The following TCF20 variants were observed in gnomAD, a reference collection of about 807,000 sequenced individuals.
TCF20 encodes transcription factor 20.
Under a neutral mutation model 148.6 loss-of-function variants are expected in TCF20, and 3 were observed. The observed-to-expected ratio is 0.02, with a 90% CI of 0.01 to 0.05. The LOEUF is 0.05. Among genes scored for constraint, TCF20 ranks in the 10% least tolerant of loss-of-function variants. The probability of loss-of-function intolerance (pLI) is 1.00; values close to 1 mark genes in which losing one functional copy is unlikely to be tolerated. For synonymous variants in TCF20, 1,049 were observed against 909.5 expected (o/e 1.15, Z -2.76); for missense variants, 2,350 against 2,429.3 (o/e 0.97, Z 0.69).
At chr22:42,222,494 C>A (rs865858544) in intron 1 of TCF20, among the ~76,000 whole-genome samples, 2 of 152,140 alleles carry the variant, frequency 1.3e-5, no homozygotes, top group African/African-American at 4.8e-5. Context: ...TCACACCCCC[C>A]CATAGGCCCT....
chr22:42,341,486 G>T (rs1230797729), intron 1 of TCF20, among the ~76,000 whole-genome samples: 1 of 152,052 alleles, frequency 6.6e-6, no homozygotes, highest in African/African-American at 2.4e-5. Flanking sequence ...GGTGGGTAAG[G>T]ACCTGGGCCC....
intron 1 of TCF20, among the ~76,000 whole-genome samples, chr22:42,243,471 G>A (rs993325694): frequency 6.6e-6 from 1 of 151,744 alleles, no homozygotes; most frequent in Non-Finnish European, 1.5e-5. Context: ...GCATGGTGGT[G>A]GGTGCCTGTA....
rs9611772 is a variant in TCF20 at position 42,339,270 on chromosome 22, C to T, written c.-37+4209G>A. ...GTTTACATCTCACTGCAGCTCCAGG[C>T]GAGAAAACAGAGGCACACAGAGACT... On this transcript the variant is annotated intron_variant, in intron 1 of 1. Coordinates refer to the TCF20 transcript ENST00000515426. 2.4e-4 allele frequency among the ~76,000 whole-genome samples: 37 copies of T among 152,276 alleles called. No individual in the cohort carries two copies. The East Asian group carries it at 6.4e-3, about 26-fold the overall frequency.
Position 42,211,756 on chromosome 22 carries a change from A to G in TCF20, c.3550T>C (p.Leu1184=). ...GMELKHGSQK[L]QESCWDLSRQ... The stretch of plus-strand genomic sequence containing the variant: ...GAAAGATCCCAACAGGATTCTTGTA[A>G]CTTCTGGGAGCCATGCTTTAATTCC... The change falls in exon 2 of 6, where the codon TTA becomes CTA. Residue 1184 remains leucine, a synonymous_variant. Transcript: ENST00000677622. 1 of 1,614,162 alleles carries G rather than the reference A, an allele frequency of 6.2e-7. No homozygotes were observed. The highest frequency in any genetic ancestry group is 8.5e-7 in the Non-Finnish European group (1 of 1,180,030).
chr22:42,340,668 T>G (rs1289463931), intron 1 of TCF20, among the ~76,000 whole-genome samples: 1 of 151,072 alleles, frequency 6.6e-6, no homozygotes, highest in East Asian at 2.0e-4. Context: ...ACCATGCCCA[T>G]TCCTGGGACA....
intron 2 of TCF20, among the ~76,000 whole-genome samples, chr22:42,188,805 T>C (rs1937183891): frequency 1.3e-5 from 2 of 152,224 alleles, no homozygotes; most frequent in Admixed American, 1.3e-4. Context: ...GTGCAGGGGC[T>C]GAAATGGGGA....
rs1412952522 is a variant in TCF20 at position 42,219,235 on chromosome 22, C to T, written c.-36-3894G>A. On this transcript the variant is annotated intron_variant, in intron 1 of 5. Coordinates refer to ENST00000677622, the MANE Select transcript of TCF20 (RefSeq NM_001378418.1). ...AAATGCACAGTGTCATGAGGTGTGC[C>T]TACAGTCCCAGCTGCTCAAGAGGCT... Among the ~76,000 whole-genome samples the T allele has an allele frequency of 2.0e-5, 3 of 150,718 alleles. No homozygotes were observed. In the Admixed American group the frequency reaches 2.0e-4, roughly 10 times the overall value.
intron 1 of TCF20, among the ~76,000 whole-genome samples, chr22:42,248,110 C>G (rs1925070154): frequency 6.6e-6 from 1 of 152,148 alleles, no homozygotes; most frequent in Admixed American, 6.5e-5. Context: ...GAAACAGATA[C>G]AAGACAAGAC....
At position 42,291,369 on chromosome 22, in the gene TCF20, A is replaced by C. The variant is rs1927129796; in HGVS notation, c.-37+52110T>G. Among the ~76,000 whole-genome samples the C allele has an allele frequency of 1.3e-5, 2 of 152,114 alleles. 1 individual carries two copies. The highest frequency in any genetic ancestry group is 1.3e-4 in the Admixed American group (2 of 15,288). ...CCAGGAGGAAGCATTCCCTGAGGAG[A>C]GGGCAGTGTGTGGAGCGGCAAAGGA... is the stretch of plus-strand genomic sequence containing the variant. On this transcript the variant is annotated intron_variant, in intron 1 of 1. Coordinates refer to the TCF20 transcript ENST00000515426.
rs146060536 is a variant in TCF20, at chr22:42,279,385, G to A, written c.-37+4442C>T. Among the ~76,000 whole-genome samples the A allele has an allele frequency of 7.5e-3, 1,135 of 152,280 alleles. 15 individuals carry two copies. The highest frequency in any genetic ancestry group is 0.026 in the African/African-American group (1,078 of 41,536). On this transcript the variant is annotated intron_variant, in intron 1 of 5. Transcript: ENST00000359486. This position sits in a 1 kb window ranked among gnomAD's most constrained non-coding sequence, Gnocchi z 4.3. The stretch of plus-strand genomic sequence containing the variant: ...CCAGCTACTTGGAAGGCTGAGGCTG[G>A]AGAATCACTTGAACCTGGGAGGCAG...
intron 1 of TCF20, among the ~76,000 whole-genome samples, chr22:42,234,809 A>AT (rs1923733902): frequency 6.6e-6 from 1 of 152,188 alleles, no homozygotes; most frequent in Admixed American, 6.5e-5. Flanking sequence ...AAACCTAATA[A>AT]TTAGGGTCAG....
chr22:42,332,613 C>T (rs1387070580), intron 1 of TCF20, among the ~76,000 whole-genome samples: 1 of 152,188 alleles, frequency 6.6e-6, no homozygotes, highest in Non-Finnish European at 1.5e-5. Context: ...AAGCAATTCT[C>T]CTGCCTCAGC....
At chr22:42,217,608 G>A (rs1305014914) in intron 1 of TCF20, among the ~76,000 whole-genome samples, 3 of 152,204 alleles carry the variant, frequency 2.0e-5, no homozygotes, top group Admixed American at 2.0e-4. Flanking sequence ...TAAGAACTAG[G>A]CCTTAGAGAA....
chr22:42,176,737 C>T (rs1459112733), intron 3 of TCF20, among the ~76,000 whole-genome samples: 2 of 152,104 alleles, frequency 1.3e-5, no homozygotes, highest in East Asian at 1.9e-4. Context: ...GTGAAATAAG[C>T]CAGGCACGGA....
chr22:42,194,876 G>A (rs1937514864), intron 2 of TCF20, among the ~76,000 whole-genome samples: 1 of 151,804 alleles, frequency 6.6e-6, no homozygotes, highest in Non-Finnish European at 1.5e-5. Context: ...CCTCCCTTTG[G>A]CCGAGTTAGG....
chr22:42,163,268 T>C (rs973151469), intron 5 of TCF20, among the ~76,000 whole-genome samples: 1 of 152,180 alleles, frequency 6.6e-6, no homozygotes, highest in Non-Finnish European at 1.5e-5. Context: ...GAGCTGCTAC[T>C]TGTGGGCCCC....
At chr22:42,311,226 C>A (rs548729554) in intron 1 of TCF20, among the ~76,000 whole-genome samples, 1 of 152,200 alleles carries the variant, frequency 6.6e-6, no homozygotes, top group Non-Finnish European at 1.5e-5. Flanking sequence ...GCGGGGCTGG[C>A]GACTGGGACC....
chr22:42,219,108 G>A (rs575444643), intron 1 of TCF20, among the ~76,000 whole-genome samples: 36 of 151,958 alleles, frequency 2.4e-4, no homozygotes, highest in South Asian at 8.3e-4. Flanking sequence ...AATAGGCTGG[G>A]TGTGGTGGCT....
intron 1 of TCF20, among the ~76,000 whole-genome samples, chr22:42,296,214 C>T (rs1927234146): frequency 6.6e-6 from 1 of 152,196 alleles, no homozygotes; most frequent in Non-Finnish European, 1.5e-5. Context: ...GCAGCCTGGC[C>T]TCCCCGAGCC....
Sources: allele counts gnomAD v4.1 joint callset (sites outside exome capture counted in the v4.1 genomes callset), GRCh38; gene constraint gnomAD v4.1.1; non-coding constraint Gnocchi (gnomAD v3.1); transcripts MANE v1.5; gene names NCBI Gene and HGNC (gene_info 2026-07-23, HGNC 2026-07-21).